NCKAP5: variants seen among roughly 807,000 people sequenced by gnomAD.
NCKAP5 encodes NCK associated protein 5, also known as nck-associated protein 5.
A neutral mutation model predicts 167.0 loss-of-function variants in NCKAP5; 92 were observed. The ratio of observed to expected loss-of-function variants is 0.55; its 90% CI spans 0.47 to 0.66. The LOEUF is 0.66. Among genes scored for constraint, NCKAP5 ranks in the 30% least tolerant of loss-of-function variants. The probability of loss-of-function intolerance (pLI) is 0.00; values close to 1 mark genes in which losing one functional copy is unlikely to be tolerated. For synonymous variants in NCKAP5, 891 were observed against 877.4 expected, an observed-to-expected ratio of 1.02 and a Z score of -0.27; for missense variants, 2,378 against 2,315.0, an observed-to-expected ratio of 1.03 and a Z score of -0.56.
At chr2:132,946,172 T>C (rs1697707502) in intron 8 of NCKAP5, among the ~76,000 whole-genome samples, 1 of 152,108 alleles carries the variant, frequency 6.6e-6, no homozygotes, top group Admixed American at 6.5e-5. Flanking sequence ...GGCCATGTGA[T>C]CCCCCCTCAG....
intron 17 of NCKAP5, 94 bp downstream of exon 17, chr2:132,731,643 C>G: frequency 7.6e-7 from 1 of 1,323,566 alleles, no homozygotes; most frequent in African/African-American, 1.5e-5. Context: ...ACATTTTTAT[C>G]AGGCAGGTCA....
At chr2:133,131,968 A>C (rs2082617200) in intron 5 of NCKAP5, among the ~76,000 whole-genome samples, 1 of 60,208 alleles carries the variant, frequency 1.7e-5, no homozygotes, top group African/African-American at 7.0e-5. Context: ...GAAACAGGCC[A>C]AAAAAAAAAT....
At chr2:133,616,914 G>C in the NCKAP5 span, among the ~76,000 whole-genome samples, 1 of 152,160 alleles carries the variant, frequency 6.6e-6, no homozygotes, top group Non-Finnish European at 1.5e-5. Flanking sequence ...GAAAATACTG[G>C]CAAACCGAAT....
chr2:133,517,773 C>A (rs773798797), intron 2 of NCKAP5, among the ~76,000 whole-genome samples, 186 bp from the exon 3 acceptor site: 5 of 152,154 alleles, frequency 3.3e-5, no homozygotes, highest in Non-Finnish European at 5.9e-5. Flanking sequence ...GTCTTTATGG[C>A]GGCCCCTGTG....
intron 11 of NCKAP5, among the ~76,000 whole-genome samples, chr2:132,855,652 G>A (rs1838999): frequency 0.27 from 40,658 of 151,982 alleles, 5,727 homozygotes; most frequent in African/African-American, 0.36. Context: ...GGCCAGAATC[G>A]ATCAGAATGA....
At chr2:133,152,239 T>A (rs2083407828) in intron 5 of NCKAP5, among the ~76,000 whole-genome samples, 1 of 152,144 alleles carries the variant, frequency 6.6e-6, no homozygotes, top group Non-Finnish European at 1.5e-5. Context: ...CTGCAGACAA[T>A]CTCGACAAAG....
intron 2 of NCKAP5, chr2:133,527,174 C>T (rs1470105746): frequency 6.6e-6 from 1 of 152,060 alleles, no homozygotes; most frequent in Non-Finnish European, 1.5e-5. Flanking sequence ...GCTCTAAACT[C>T]TGCAAAGCCT....
chr2:132,884,321 A>G (rs1368884078), intron 8 of NCKAP5, among the ~76,000 whole-genome samples: 1 of 152,178 alleles, frequency 6.6e-6, no homozygotes, highest in African/African-American at 2.4e-5. Flanking sequence ...TCACCAAACT[A>G]AACTGACTTT....
intron 5 of NCKAP5, among the ~76,000 whole-genome samples, chr2:133,184,328 C>A (rs564008943): frequency 1.3e-5 from 2 of 152,112 alleles, no homozygotes; most frequent in Non-Finnish European, 2.9e-5. Flanking sequence ...TAGTATTCTA[C>A]GGTGTATATG....
intron 19 of NCKAP5, among the ~76,000 whole-genome samples, chr2:132,681,019 G>A (rs1211629699): frequency 1.3e-5 from 2 of 151,962 alleles, no homozygotes; most frequent in Admixed American, 1.3e-4. Flanking sequence ...AAAGTAAAAT[G>A]TGCACTATTT....
chr2:132,890,118 A>G (rs1004342928), intron 8 of NCKAP5, among the ~76,000 whole-genome samples: 1 of 152,238 alleles, frequency 6.6e-6, no homozygotes, highest in African/African-American at 2.4e-5. Flanking sequence ...ATAAGATCAG[A>G]AAAGGTATTT....
At chr2:133,369,399 C>T (rs565439015) in intron 3 of NCKAP5, among the ~76,000 whole-genome samples, 6 of 152,252 alleles carry the variant, frequency 3.9e-5, no homozygotes, top group Non-Finnish European at 8.8e-5. Flanking sequence ...ACAGTGATGA[C>T]CTGACAGAGA....
intron 6 of NCKAP5, among the ~76,000 whole-genome samples, chr2:133,065,890 T>C (rs1288911798): frequency 2.0e-5 from 3 of 152,198 alleles, no homozygotes; most frequent in South Asian, 4.1e-4. Context: ...TAGAAAACTG[T>C]TGACACCAGT....
intron 4 of NCKAP5, among the ~76,000 whole-genome samples, chr2:133,251,322 A>G (rs111906337): frequency 8.5e-4 from 129 of 152,308 alleles, no homozygotes; most frequent in African/African-American, 2.9e-3. Flanking sequence ...ACAGTGAGGG[A>G]TGCCTGTATC....
chr2:133,236,466 C>T (rs557759205), intron 4 of NCKAP5, among the ~76,000 whole-genome samples: 11 of 152,168 alleles, frequency 7.2e-5, no homozygotes, highest in East Asian at 5.8e-4. Context: ...TAATTAGGAA[C>T]GCAAGGGATT....
At chr2:133,557,941 C>T (rs905244944) in intron 2 of NCKAP5, 1 of 152,194 alleles carries the variant, frequency 6.6e-6, no homozygotes, top group South Asian at 2.1e-4. Flanking sequence ...AATCAGGCTG[C>T]AATCATTGTG....
chr2:133,428,973 T>C (rs2151117898), intron 3 of NCKAP5, among the ~76,000 whole-genome samples: 1 of 152,278 alleles, frequency 6.6e-6, no homozygotes, highest in Admixed American at 6.5e-5. Flanking sequence ...GCAATATTAA[T>C]TTAAAATGTA....
At chr2:133,613,704 C>A in the NCKAP5 span, among the ~76,000 whole-genome samples, 1 of 152,272 alleles carries the variant, frequency 6.6e-6, no homozygotes, top group East Asian at 1.9e-4. Flanking sequence ...CACATGCGGA[C>A]TGGTTCTAGG....
intron 5 of NCKAP5, among the ~76,000 whole-genome samples, chr2:133,195,168 G>A (rs188363296): frequency 1.3e-5 from 2 of 152,236 alleles, no homozygotes; most frequent in Non-Finnish European, 2.9e-5. Context: ...AGCTAGAGCT[G>A]TGTGCCAGGA....
Sources: gnomAD v4.1 joint callset for allele counts (sites outside exome capture counted in the v4.1 genomes callset) on GRCh38, gnomAD v4.1.1 for gene constraint, MANE v1.5 for transcripts, NCBI Gene and HGNC (gene_info 2026-07-23, HGNC 2026-07-21) for gene names.